PILRA: variants seen among roughly 807,000 people sequenced by gnomAD.
PILRA encodes paired immunoglobulin-like type 2 receptor alpha.
In PILRA, 37 loss-of-function variants were observed where a neutral mutation model predicts 33.1. The ratio of observed to expected loss-of-function variants is 1.12; its 90% confidence interval spans 0.86 to 1.47. The LOEUF (loss-of-function observed/expected upper bound fraction) is 1.47, where lower values mean the gene tolerates loss of function less well. PILRA is among the 40% of genes most tolerant of loss of function. PILRA has a pLI of 0.00. For synonymous variants in PILRA, 146 were observed against 149.9 expected (o/e 0.97, Z 0.19); for missense variants, 312 against 376.2 (o/e 0.83, Z 1.41).
At chr7:100,398,707 T>C (rs1377775687) in intron 4 of PILRA, among the ~76,000 whole-genome samples, 1 of 152,118 alleles carries the variant, frequency 6.6e-6, no homozygotes, top group Non-Finnish European at 1.5e-5. Flanking sequence ...GATTGACCTT[T>C]TTCCTATTTT....
At chr7:100,371,403 G>A (rs755284220), upstream of PILRA, among the ~76,000 whole-genome samples, 68 of 152,304 alleles carry the variant, frequency 4.5e-4, no homozygotes, top group Non-Finnish European at 8.7e-4. Flanking sequence ...ATTACAGTTG[G>A]CTTGTGAACT....
At position 100,390,025 on chromosome 7, in the gene PILRA, G is replaced by A. The variant is rs778361495; in HGVS notation, c.592G>A (p.Val198Met). ...TTGGCACATAAGTCTGGAGACTGCT[G>A]TGGGGGTGGCAGTGGCTGTCACTGT... ...DSWHISLETA[V>M]GVAVAVTVLG... Residue 198 changes from valine (V) to methionine (M), a missense_variant, in exon 3 of 7, where the codon GTG becomes ATG. Physicochemically the swap from Val to Met is conservative, Grantham distance 21 (BLOSUM62 1). Coordinates refer to ENST00000198536, the MANE Select transcript of PILRA (RefSeq NM_013439.3). 1.2e-6 allele frequency: 2 copies of A among 1,614,160 alleles called. No individual in the cohort carries two copies. Among genetic ancestry groups the A allele is most frequent in the Non-Finnish European group, 1.7e-6 (2 of 1,180,020 alleles).
At chr7:100,394,138 AAGAC>A (rs2130231828) in intron 3 of PILRA, among the ~76,000 whole-genome samples, 1 of 152,322 alleles carries the variant, frequency 6.6e-6, no homozygotes, top group East Asian at 1.9e-4. Flanking sequence ...GTGTGGCAGA[AAGAC>A]AGGAGATCAC....
chr7:100,397,838 C>T (rs746591169), intron 3 of PILRA, 41 bp from the exon 4 acceptor site: 4 of 1,608,806 alleles, frequency 2.5e-6, no homozygotes, highest in Non-Finnish European at 3.4e-6. Context: ...AGACTGCCAT[C>T]ACCCGGATGC....
intron 3 of PILRA, among the ~76,000 whole-genome samples, chr7:100,394,564 A>T (rs1443074054): frequency 1.4e-5 from 2 of 142,044 alleles, no homozygotes; most frequent in African/African-American, 5.4e-5. Flanking sequence ...ACTGCACTCC[A>T]GCCTGGGTGA....
rs1038272975 is a variant in PILRA, at chr7:100,382,796, C to T, written c.455-7092C>T. Among the ~76,000 whole-genome samples the T allele has an allele frequency of 7.9e-5, 12 of 152,224 alleles. No individual in the cohort carries two copies. In the East Asian group the frequency reaches 9.6e-4, roughly 12 times the overall value. On this transcript the variant is annotated intron_variant, in intron 2 of 6. Coordinates refer to ENST00000198536, the MANE Select transcript of PILRA (RefSeq NM_013439.3). ...GACCTTTATGAGCTGTAACACTCAC[C>T]GTGAAGGTTTGTAGCTTCACTCTGG...
At chr7:100,376,761 C>CTTTTTTT (rs34944697) in intron 2 of PILRA, among the ~76,000 whole-genome samples, 4 of 75,018 alleles carry the variant, frequency 5.3e-5, no homozygotes, top group Non-Finnish European at 7.4e-5. Flanking sequence ...CTTGCTCTGC[C>CTTTTTTT]TTTTTTTTTT....
intron 4 of PILRA, among the ~76,000 whole-genome samples, chr7:100,398,517 A>G (rs1247074606): frequency 6.6e-6 from 1 of 151,980 alleles, no homozygotes; most frequent in African/African-American, 2.4e-5. Context: ...GCTGGAAGAA[A>G]GCCTCACCCC....
At chr7:100,381,487 C>T (rs1342227526) in intron 2 of PILRA, among the ~76,000 whole-genome samples, 1 of 151,534 alleles carries the variant, frequency 6.6e-6, no homozygotes. Flanking sequence ...CCACCACCAC[C>T]ACCAAAACAA....
rs759010040 is a variant in PILRA at position 100,373,770 on chromosome 7, G to A, written c.64+50G>A. 6 of 1,605,644 alleles carry A rather than the reference G, an allele frequency of 3.7e-6. No homozygotes were observed. The Admixed American group carries it at 6.7e-5, about 18-fold the overall frequency. On this transcript the variant is annotated intron_variant, in intron 1 of 6. Coordinates refer to ENST00000198536, the MANE Select transcript of PILRA (RefSeq NM_013439.3). ...GTGGGCTCTGCCCAAACCACAGGAG[G>A]GGCCAACCCGAGACAAAGGTGGGAC...
intron 2 of PILRA, among the ~76,000 whole-genome samples, chr7:100,382,176 G>T (rs1226782952): frequency 6.6e-6 from 1 of 152,238 alleles, no homozygotes; most frequent in African/African-American, 2.4e-5. Context: ...GGATCCAATG[G>T]GTGAAGCCAG....
At chr7:100,393,266 C>T (rs141883653) in intron 3 of PILRA, among the ~76,000 whole-genome samples, 16 of 150,280 alleles carry the variant, frequency 1.1e-4, no homozygotes, top group African/African-American at 3.7e-4. Context: ...GGTGATAGAG[C>T]GAGACTCTGT....
At chr7:100,374,702 G>A (rs1790907272) in intron 2 of PILRA, 2 of 531,178 alleles carry the variant, frequency 3.8e-6, no homozygotes, top group African/African-American at 3.9e-5. Context: ...AGCAGCTGCT[G>A]GACCCTCTAA....
In PILRA at chr7:100,399,217, A is replaced by C. The variant is rs757453131; in HGVS notation, c.708-74A>C. The C allele has an allele frequency of 3.9e-6, 4 of 1,037,052 alleles. 1 individual carries two copies. The highest frequency in any genetic ancestry group is 4.1e-4 in the Middle Eastern group (2 of 4,834). 64.2% of individuals were successfully genotyped at this position (1,037,052 alleles called of 1,614,324 possible). A position where few individuals can be genotyped will look rare whatever the true frequency, so the allele number is the denominator to read the frequency against. Reference sequence around the variant, plus strand: ...CAGTCTCCCAAAGTGCTGGGATTACAGGTGCCACCACCCAGCCCATGTCTT... The same window carrying C: ...CAGTCTCCCAAAGTGCTGGGATTACCGGTGCCACCACCCAGCCCATGTCTT... On this transcript the variant is annotated intron_variant, in intron 4 of 6. Transcript: ENST00000198536.
rs140414014 is a variant in PILRA at position 100,380,503 on chromosome 7, T to A, written c.454+6070T>A. 3.1e-3 allele frequency among the ~76,000 whole-genome samples: 476 copies of A among 152,132 alleles called. 5 individuals are homozygous for A. The highest frequency in any genetic ancestry group is 0.011 in the African/African-American group (452 of 41,508). On this transcript the variant is annotated intron_variant, in intron 2 of 6. Coordinates refer to ENST00000198536, the MANE Select transcript of PILRA (RefSeq NM_013439.3). Reference sequence around the variant, plus strand: ...AAGATACAATAGCAAAAATAAAAAATTCCATTAAAGGGCTGGGCGTGGTGG... The same window carrying A: ...AAGATACAATAGCAAAAATAAAAAAATCCATTAAAGGGCTGGGCGTGGTGG...
intron 3 of PILRA, among the ~76,000 whole-genome samples, chr7:100,395,062 T>C (rs77997280): frequency 0.029 from 4,453 of 152,298 alleles, 227 homozygotes; most frequent in African/African-American, 0.099. Flanking sequence ...TTGTAAATTA[T>C]ATATCTGATA....
At chr7:100,394,811 T>C (rs1791462333) in intron 3 of PILRA, among the ~76,000 whole-genome samples, 1 of 152,096 alleles carries the variant, frequency 6.6e-6, no homozygotes, top group Admixed American at 6.6e-5. Flanking sequence ...TGGATCCTTA[T>C]CTTATACCAT....
intron 2 of PILRA, among the ~76,000 whole-genome samples, chr7:100,384,235 C>T (rs1791203398): frequency 1.3e-5 from 2 of 151,506 alleles, no homozygotes; most frequent in Admixed American, 6.6e-5. Context: ...AACGGAAGAA[C>T]GGGTTTAGGG....
rs778832417 is a variant in PILRA, at chr7:100,374,165, C to G, written c.186C>G (p.Ala62=). The change falls in exon 2 of 7, where the codon GCC becomes GCG. Residue 62 remains alanine, a synonymous_variant. Coordinates refer to ENST00000198536, the MANE Select transcript of PILRA (RefSeq NM_013439.3). ...PFSFYYPWEL[A]TAPDVRISWR... is the part of the protein sequence containing the mutation. The stretch of plus-strand genomic sequence containing the variant: ...CCTTCTATTACCCCTGGGAGTTAGC[C>G]ACAGCTCCCGACGTGAGAATATCCT... The G allele has an allele frequency of 1.2e-6, 2 of 1,614,112 alleles. No individual in the cohort carries two copies. The highest frequency in any genetic ancestry group is 3.3e-5 in the Admixed American group (2 of 60,016).
Sources: allele counts gnomAD v4.1 joint callset (sites outside exome capture counted in the v4.1 genomes callset), GRCh38; gene constraint gnomAD v4.1.1; transcripts MANE v1.5; gene names NCBI Gene and HGNC (gene_info 2026-07-23, HGNC 2026-07-21).